Variants in CLIP4 observed in about 807,000 individuals in gnomAD.
CLIP4 encodes the protein CAP-Gly domain containing linker protein family member 4.
A neutral mutation model predicts 73.1 loss-of-function variants in CLIP4; 47 were observed. That is an observed-to-expected ratio of 0.64 (90% CI 0.51 to 0.82). The LOEUF is 0.82. Among genes scored for constraint, CLIP4 ranks in the 40% least tolerant of loss-of-function variants. The pLI, the probability that CLIP4 is intolerant of heterozygous loss-of-function variation, is 0.00. For synonymous variants in CLIP4, 306 were observed against 295.4 expected (o/e 1.04, Z -0.37); for missense variants, 874 against 852.9 (o/e 1.02, Z -0.31).
At chr2:29,110,702 T>C (rs551713240), upstream of CLIP4, among the ~76,000 whole-genome samples, 2 of 152,246 alleles carry the variant, frequency 1.3e-5, no homozygotes, top group South Asian at 4.2e-4. Context: ...TTATTATTAT[T>C]ATTTGAGATG....
At chr2:29,162,020 G>A (rs950605049) in intron 12 of CLIP4, among the ~76,000 whole-genome samples, 4 of 152,190 alleles carry the variant, frequency 2.6e-5, no homozygotes, top group Admixed American at 2.6e-4. Flanking sequence ...TCTCCAGGTA[G>A]TAATTGAGAT....
Position 29,183,641 on chromosome 2 carries a change from AGTT to A in CLIP4, c.*1752_*1754del, listed in dbSNP as rs1247155763. ...AATTTATTTTTGAGGTCAAAGAACC[AGTT>A]GTTCTCTTTATATTTAGATGAGGAT... is the stretch of plus-strand genomic sequence containing the variant. On this transcript the variant is annotated 3_prime_UTR_variant, in exon 16 of 16. Transcript: ENST00000320081. 2 of 152,654 alleles carry A rather than the reference AGTT, an allele frequency of 1.3e-5. No individual in the cohort carries two copies. The highest frequency in any genetic ancestry group is 6.5e-5 in the Admixed American group (1 of 15,278). 9.5% of individuals were successfully genotyped at this position (152,654 alleles called of 1,614,324 possible).
At chr2:29,174,726 T>C in intron 15 of CLIP4, 2 of 1,034,114 alleles carry the variant, frequency 1.9e-6, no homozygotes, top group Non-Finnish European at 2.3e-6. Context: ...TATTGTCTTT[T>C]CATTAAGTAG....
At chr2:29,180,736 CA>C (rs950402238) in intron 15 of CLIP4, among the ~76,000 whole-genome samples, 19 of 151,484 alleles carry the variant, frequency 1.3e-4, no homozygotes, top group Non-Finnish European at 2.5e-4. Context: ...TTAAAACAGC[CA>C]AAATACTAGA....
At chr2:29,165,764 C>T (rs374735319) in intron 13 of CLIP4, among the ~76,000 whole-genome samples, 24 of 152,210 alleles carry the variant, frequency 1.6e-4, no homozygotes, top group Non-Finnish European at 2.6e-4. Context: ...ATTTTAGGCA[C>T]GGTAAATATT....
chr2:29,119,135 G>A (rs933812560), intron 1 of CLIP4, among the ~76,000 whole-genome samples: 1 of 152,222 alleles, frequency 6.6e-6, no homozygotes, highest in Non-Finnish European at 1.5e-5. Context: ...TACAAAGAAT[G>A]TTCACTGCAT....
At chr2:29,169,700 G>A (rs1474861198) in intron 14 of CLIP4, among the ~76,000 whole-genome samples, 1 of 152,016 alleles carries the variant, frequency 6.6e-6, no homozygotes, top group East Asian at 1.9e-4. Context: ...CATTAAGTCA[G>A]GGTAATTGGG....
In CLIP4 at chr2:29,133,782, TATAAG is replaced by T. The variant is rs1558531070; in HGVS notation, c.497_501del (p.Ile166SerfsTer17). 1.2e-6 allele frequency: 2 copies of T among 1,608,364 alleles called. No individual in the cohort carries two copies. Among genetic ancestry groups the T allele is most frequent in the South Asian group, 1.1e-5 (1 of 89,406 alleles). ...CTGCTTATTTTGATGTCCCTGAACTTATAAGAGTGATTTTGAAAACATCGAAACCA... is the reference window on the plus strand; with the variant it reads ...CTGCTTATTTTGATGTCCCTGAACTTAGTGATTTTGAAAACATCGAAACCA... On this transcript the variant is annotated frameshift_variant, in exon 5 of 16. Coordinates refer to ENST00000320081, the MANE Select transcript of CLIP4 (RefSeq NM_024692.6). LOFTEE classifies it high-confidence loss of function.
chr2:29,168,230 G>T (rs903844479), intron 14 of CLIP4, among the ~76,000 whole-genome samples: 1 of 152,148 alleles, frequency 6.6e-6, no homozygotes, highest in Non-Finnish European at 1.5e-5. Flanking sequence ...AAATGAGGAT[G>T]AACCTGTTTT....
At chr2:29,128,615 C>T (rs1664770287) in intron 2 of CLIP4, among the ~76,000 whole-genome samples, 1 of 152,086 alleles carries the variant, frequency 6.6e-6, no homozygotes, top group Non-Finnish European at 1.5e-5. Flanking sequence ...CAGGCCCATA[C>T]TCCAAGAAAG....
intron 14 of CLIP4, among the ~76,000 whole-genome samples, chr2:29,170,708 T>C (rs996266208): frequency 1.3e-5 from 2 of 152,226 alleles, no homozygotes; most frequent in Non-Finnish European, 2.9e-5. Flanking sequence ...TCCTGTGTTA[T>C]CTTCTAGGAG....
intron 1 of CLIP4, among the ~76,000 whole-genome samples, chr2:29,119,182 G>A (rs1368101903): frequency 6.6e-6 from 1 of 152,232 alleles, no homozygotes; most frequent in African/African-American, 2.4e-5. Flanking sequence ...TGGACTTGAA[G>A]TATCTAATAT....
chr2:29,170,278 G>A (rs1667918030), intron 14 of CLIP4, among the ~76,000 whole-genome samples: 1 of 152,110 alleles, frequency 6.6e-6, no homozygotes, highest in Non-Finnish European at 1.5e-5. Context: ...TACCAGCAGT[G>A]GAATTGCTGG....
upstream of CLIP4, among the ~76,000 whole-genome samples, chr2:29,114,556 G>T (rs1668473569): frequency 6.6e-6 from 1 of 152,202 alleles, no homozygotes; most frequent in Non-Finnish European, 1.5e-5. Flanking sequence ...ACCACTGCTT[G>T]GTGGGAAGAC....
At chr2:29,142,097 A>G (rs774056657) in intron 6 of CLIP4, among the ~76,000 whole-genome samples, 1 of 152,196 alleles carries the variant, frequency 6.6e-6, no homozygotes, top group Non-Finnish European at 1.5e-5. Flanking sequence ...TATGAAGAAC[A>G]TAGACTATGT....
In CLIP4 at chr2:29,099,722, G is replaced by A. The variant is rs11888206; in HGVS notation, c.-16+1775G>A. 6.2e-3 allele frequency among the ~76,000 whole-genome samples: 945 copies of A among 152,266 alleles called. 9 individuals carry two copies. Among genetic ancestry groups the A allele is most frequent in the African/African-American group, 0.022 (904 of 41,554 alleles). Reference sequence around the variant, plus strand: ...AACTTCAGAATCAGTTTGTCAACATGTACAAAATAATTTGCTGGAATTTTG... The same window carrying A: ...AACTTCAGAATCAGTTTGTCAACATATACAAAATAATTTGCTGGAATTTTG... On this transcript the variant is annotated intron_variant, in intron 1 of 14. Coordinates refer to the CLIP4 transcript ENST00000401605.
chr2:29,133,380 C>T (rs1270958195), intron 4 of CLIP4, among the ~76,000 whole-genome samples: 1 of 152,134 alleles, frequency 6.6e-6, no homozygotes, highest in African/African-American at 2.4e-5. Context: ...CTATGTGTGT[C>T]TCAATTTATT....
At chr2:29,164,422 G>T (rs571882476) in intron 13 of CLIP4, among the ~76,000 whole-genome samples, 1 of 152,260 alleles carries the variant, frequency 6.6e-6, no homozygotes, top group East Asian at 1.9e-4. Flanking sequence ...AGATCTTTGG[G>T]GGAAGTGAAA....
chr2:29,129,160 T>G (rs1664805875), intron 2 of CLIP4, among the ~76,000 whole-genome samples: 1 of 152,196 alleles, frequency 6.6e-6, no homozygotes, highest in South Asian at 2.1e-4. Context: ...TAGCAGAGGC[T>G]TATTTGTAAT....
Sources: gnomAD v4.1 joint callset for allele counts (sites outside exome capture counted in the v4.1 genomes callset) on GRCh38, gnomAD v4.1.1 for gene constraint, MANE v1.5 for transcripts, NCBI Gene and HGNC (gene_info 2026-07-23, HGNC 2026-07-21) for gene names.